The following SBF2 variants were observed in gnomAD, a reference collection of about 807,000 sequenced individuals.
SBF2 encodes the protein myotubularin-related protein 13.
In SBF2, 112 loss-of-function variants were observed where a neutral mutation model predicts 225.2. The ratio of observed to expected loss-of-function variants is 0.50; its 90% confidence interval spans 0.43 to 0.58. The LOEUF is 0.58. Among genes scored for constraint, SBF2 ranks in the 20% least tolerant of loss-of-function variants. The pLI is 0.00. For missense variants in SBF2, 1,996 were observed against 2,206.2 expected (o/e 0.90, Z 1.91); for synonymous variants, 763 against 773.3 (o/e 0.99, Z 0.22).
At chr11:10,278,726 T>C (rs1963165847) in intron 1 of SBF2, among the ~76,000 whole-genome samples, 2 of 149,660 alleles carry the variant, frequency 1.3e-5, no homozygotes, top group African/African-American at 5.0e-5. Context: ...GAGGTTGCAG[T>C]GAGCTGAGAC....
intron 16 of SBF2, among the ~76,000 whole-genome samples, chr11:9,911,730 G>T (rs1046797586): frequency 2.0e-5 from 3 of 152,138 alleles, no homozygotes; most frequent in Non-Finnish European, 4.4e-5. Flanking sequence ...TCCTATACAG[G>T]TGTACCATTC....
intron 17 of SBF2, among the ~76,000 whole-genome samples, chr11:9,873,392 T>C (rs562307874): frequency 6.6e-6 from 1 of 152,180 alleles, no homozygotes; most frequent in Non-Finnish European, 1.5e-5. Flanking sequence ...CTAAGAAGAT[T>C]ATGGTGTATG....
At chr11:10,187,896 G>C (rs375111856) in intron 2 of SBF2, among the ~76,000 whole-genome samples, 6 of 152,232 alleles carry the variant, frequency 3.9e-5, no homozygotes, top group African/African-American at 1.4e-4. Flanking sequence ...CTATACTTCA[G>C]AATAAATCCC....
chr11:9,794,560 G>A (rs1238774716), intron 33 of SBF2, among the ~76,000 whole-genome samples: 1 of 151,604 alleles, frequency 6.6e-6, no homozygotes, highest in African/African-American at 2.4e-5. Context: ...AGCTACTAGG[G>A]AGGCTGAGGC....
chr11:10,142,365 G>C (rs1367263344), intron 2 of SBF2, among the ~76,000 whole-genome samples: 1 of 152,146 alleles, frequency 6.6e-6, no homozygotes, highest in Admixed American at 6.5e-5. Context: ...GGACTGCAAG[G>C]TCTGACTCTC....
chr11:10,038,533 C>T (rs920151733), intron 3 of SBF2, among the ~76,000 whole-genome samples: 28 of 151,842 alleles, frequency 1.8e-4, no homozygotes, highest in Non-Finnish European at 3.4e-4. Context: ...ATTCCAGTTG[C>T]CTAGTCTGCA....
At chr11:10,070,809 A>G (rs1950835185) in intron 2 of SBF2, among the ~76,000 whole-genome samples, 1 of 152,076 alleles carries the variant, frequency 6.6e-6, no homozygotes, top group African/African-American at 2.4e-5. Context: ...ATGTTTTTCC[A>G]TTTGTTTGTG....
rs1193254006 is a variant in SBF2 at position 10,133,343 on chromosome 11, C to T, written c.141+60559G>A. On this transcript the variant is annotated intron_variant, in intron 2 of 39. Coordinates refer to ENST00000256190, the MANE Select transcript of SBF2 (RefSeq NM_030962.4). ...TTGGGTGGTCGATGGGACTGGGTGC[C>T]GTGGAGCAGGGGGTGGTGCTTGTCG... Among the ~76,000 whole-genome samples, 31 of 149,650 alleles carry T rather than the reference C, an allele frequency of 2.1e-4. 8 individuals carry two copies. The East Asian group carries it at 5.3e-3, about 25-fold the overall frequency.
intron 6 of SBF2, among the ~76,000 whole-genome samples, chr11:10,024,871 T>C (rs1447433530): frequency 6.6e-6 from 1 of 152,208 alleles, no homozygotes; most frequent in African/African-American, 2.4e-5. Flanking sequence ...TTTTTGTCAG[T>C]AAATCTTTGT....
At chr11:10,044,328 C>A (rs774363203) in intron 2 of SBF2, among the ~76,000 whole-genome samples, 2 of 151,288 alleles carry the variant, frequency 1.3e-5, no homozygotes, top group Non-Finnish European at 2.9e-5. Flanking sequence ...GCGGGAGACC[C>A]GCAAGAGGAG....
intron 1 of SBF2, among the ~76,000 whole-genome samples, chr11:10,260,673 A>C (rs905765721): frequency 6.7e-6 from 1 of 150,210 alleles, no homozygotes; most frequent in Admixed American, 6.7e-5. Context: ...ACTGCACTCC[A>C]GCCTGGGCAA....
Position 9,832,218 on chromosome 11 carries a change from G to A in SBF2, c.3652+6C>T, listed in dbSNP as rs1057524041. The stretch of plus-strand genomic sequence containing the variant: ...GGTGGTAATTGTGTTATAGAGAGAT[G>A]CTTACCGGCCTGAGGGGAGTTCTGA... On this transcript the variant is annotated splice_donor_region_variant and intron_variant, in intron 27 of 39. Coordinates refer to ENST00000256190, the MANE Select transcript of SBF2 (RefSeq NM_030962.4). 6 of 1,612,352 alleles carry A rather than the reference G, an allele frequency of 3.7e-6. No individual in the cohort carries two copies. Among genetic ancestry groups the A allele is most frequent in the Non-Finnish European group, 4.2e-6 (5 of 1,178,346 alleles).
chr11:10,153,120 T>A (rs369573479), intron 2 of SBF2, among the ~76,000 whole-genome samples: 2 of 152,252 alleles, frequency 1.3e-5, no homozygotes, highest in East Asian at 3.9e-4. Context: ...TGGAGTAAGG[T>A]AAAAGTGACA....
At chr11:10,089,630 C>CA (rs1951704247) in intron 2 of SBF2, among the ~76,000 whole-genome samples, 1 of 151,594 alleles carries the variant, frequency 6.6e-6, no homozygotes, top group African/African-American at 2.4e-5. Flanking sequence ...AGTTACATAC[C>CA]AAAAAAACTT....
chr11:10,268,148 T>C (rs1962167615), intron 1 of SBF2, among the ~76,000 whole-genome samples: 1 of 152,240 alleles, frequency 6.6e-6, no homozygotes, highest in Non-Finnish European at 1.5e-5. Flanking sequence ...TCCAAGTTTG[T>C]TCTGACACTT....
chr11:9,822,660 T>A (rs191807491), intron 28 of SBF2, among the ~76,000 whole-genome samples: 51 of 152,308 alleles, frequency 3.3e-4, no homozygotes, highest in Admixed American at 5.9e-4. Flanking sequence ...TATGACACAG[T>A]TCATTTTCCC....
At chr11:10,092,183 C>G (rs1392040046) in intron 2 of SBF2, among the ~76,000 whole-genome samples, 2 of 152,012 alleles carry the variant, frequency 1.3e-5, no homozygotes, top group Non-Finnish European at 2.9e-5. Context: ...TTTTGAGAAA[C>G]AGAAATTAAA....
intron 2 of SBF2, among the ~76,000 whole-genome samples, chr11:10,106,842 T>C (rs770059676): frequency 2.0e-5 from 3 of 151,788 alleles, no homozygotes; most frequent in Admixed American, 2.0e-4. Context: ...AAATCCAACT[T>C]AAAAAATGGG....
At chr11:10,250,019 A>G (rs1960195874) in intron 1 of SBF2, among the ~76,000 whole-genome samples, 1 of 152,034 alleles carries the variant, frequency 6.6e-6, no homozygotes, top group Non-Finnish European at 1.5e-5. Context: ...GAATATTAAT[A>G]TATGCTCCAA....
Sources: gnomAD v4.1 joint callset for allele counts (sites outside exome capture counted in the v4.1 genomes callset) on GRCh38, gnomAD v4.1.1 for gene constraint, MANE v1.5 for transcripts, NCBI Gene and HGNC (gene_info 2026-07-23, HGNC 2026-07-21) for gene names.